VAC14: variants seen among roughly 807,000 people sequenced by gnomAD.
VAC14 encodes protein VAC14 homolog.
In VAC14, 47 loss-of-function variants were observed where a neutral mutation model predicts 85.3. That is an observed-to-expected ratio of 0.55 (90% CI 0.44 to 0.70). VAC14 has a LOEUF of 0.70. VAC14 is among the 30% of genes least tolerant of loss of function. The probability of loss-of-function intolerance (pLI) is 0.00; values close to 1 mark genes in which losing one functional copy is unlikely to be tolerated. For missense variants in VAC14, 861 were observed against 1,004.3 expected (o/e 0.86, Z 1.93); for synonymous variants, 447 against 430.5 (o/e 1.04, Z -0.47).
chr16:70,691,209 T>C (rs568737580), intron 18 of VAC14: 146 of 985,398 alleles, frequency 1.5e-4, no homozygotes, highest in Admixed American at 3.1e-4. Flanking sequence ...TCTGCTCCCC[T>C]CCCAAGACGA....
Position 70,786,357 on chromosome 16 carries a change from C to G in VAC14, c.113G>C (p.Arg38Pro), listed in dbSNP as rs756391496. The change falls in exon 2 of 19, where the codon CGG becomes CCG. Residue 38 changes from arginine to proline, a missense_variant. Arg to Pro is a moderately radical substitution (Grantham distance 103, BLOSUM62 -2). Transcript: ENST00000261776. ...VAALEIEKLVREFVAQNNTVQ... is the reference protein window; with the variant it reads ...VAALEIEKLVPEFVAQNNTVQ... Reference sequence around the variant, plus strand: ...GGTATTGTTCTGGGCCACGAACTCCCGGACCAGCCTGGAGAGAGAGGAGAG... The same window carrying G: ...GGTATTGTTCTGGGCCACGAACTCCGGGACCAGCCTGGAGAGAGAGGAGAG... The G allele has an allele frequency of 6.2e-7, 1 of 1,613,974 alleles. No individual in the cohort carries two copies.
At chr16:70,726,457 AACAGCCCCGCTTTATCAGAC>A (rs1328037901) in intron 14 of VAC14, among the ~76,000 whole-genome samples, 1 of 152,262 alleles carries the variant, frequency 6.6e-6, no homozygotes, top group Non-Finnish European at 1.5e-5. Context: ...GAGGCTGAAC[AACAGCCCCGCTTTATCAGAC>A]ACAGCCAGCA....
At chr16:70,707,356 G>A (rs1052892868) in intron 14 of VAC14, among the ~76,000 whole-genome samples, 1 of 152,252 alleles carries the variant, frequency 6.6e-6, no homozygotes, top group Non-Finnish European at 1.5e-5. Context: ...GGGGTGGGAG[G>A]AGGAGGAGGA....
intron 14 of VAC14, chr16:70,714,913 C>CA (rs1313275160): frequency 6.6e-6 from 1 of 152,342 alleles, no homozygotes; most frequent in Non-Finnish European, 1.5e-5. Context: ...CACCTGCCCC[C>CA]ACTGGCGAGC....
At chr16:70,697,041 G>T in intron 16 of VAC14, 98 bp downstream of exon 16, 1 of 945,488 alleles carries the variant, frequency 1.1e-6, no homozygotes, top group Non-Finnish European at 1.7e-6. Context: ...GGGGACAGGA[G>T]CATGGCACTT....
intron 14 of VAC14, among the ~76,000 whole-genome samples, chr16:70,712,650 T>C (rs2054059672): frequency 6.6e-6 from 1 of 152,190 alleles, no homozygotes; most frequent in Non-Finnish European, 1.5e-5. Flanking sequence ...CTCATGCTGA[T>C]AAATGCACAG....
chr16:70,783,150 G>T lies in VAC14; in HGVS notation c.705-11C>A, dbSNP rs753445453. On this transcript the variant is annotated splice_polypyrimidine_tract_variant and intron_variant, in intron 6 of 18. Transcript: ENST00000261776. ...AGAACAACCTCACACCTATGAACAA[G>T]AACAGGAAAGTGGAAACAGCGAGGG... is the stretch of plus-strand genomic sequence containing the variant. The T allele has an allele frequency of 3.5e-5, 57 of 1,612,180 alleles. No individual in the cohort carries two copies. The highest frequency in any genetic ancestry group is 4.8e-5 in the Non-Finnish European group (56 of 1,178,904).
chr16:70,725,836 G>A (rs561926351), intron 14 of VAC14, among the ~76,000 whole-genome samples: 44 of 152,172 alleles, frequency 2.9e-4, no homozygotes, highest in Admixed American at 5.2e-4. Context: ...GAGGTGGCTC[G>A]GACCTCATCT....
intron 1 of VAC14, among the ~76,000 whole-genome samples, chr16:70,791,127 G>A (rs1162132857): frequency 6.6e-6 from 1 of 152,148 alleles, no homozygotes; most frequent in African/African-American, 2.4e-5. Context: ...CTCCAGCCAG[G>A]CCTGCCTTCT....
chr16:70,722,807 C>A (rs1398521801), intron 14 of VAC14, among the ~76,000 whole-genome samples: 1 of 152,092 alleles, frequency 6.6e-6, no homozygotes, highest in African/African-American at 2.4e-5. Context: ...TGACTGACTG[C>A]GGTAGCTCAT....
At chr16:70,713,350 T>G (rs2054078070) in intron 14 of VAC14, among the ~76,000 whole-genome samples, 1 of 152,162 alleles carries the variant, frequency 6.6e-6, no homozygotes, top group Admixed American at 6.5e-5. Context: ...TAGAGCAGGG[T>G]CTGAGGATGG....
chr16:70,773,221 A>G (rs2033337278), intron 9 of VAC14: 4 of 152,194 alleles, frequency 2.6e-5, no homozygotes, highest in Admixed American at 2.0e-4. Context: ...TGGTACATGA[A>G]TTCTATCTCA....
intron 13 of VAC14, among the ~76,000 whole-genome samples, chr16:70,735,346 C>T (rs2054717030): frequency 6.6e-6 from 1 of 152,114 alleles, no homozygotes; most frequent in Non-Finnish European, 1.5e-5. Flanking sequence ...CAAACTTGGC[C>T]AGAAGCATCA....
At chr16:70,753,225 G>C (rs996592196) in intron 12 of VAC14, among the ~76,000 whole-genome samples, 5 of 152,224 alleles carry the variant, frequency 3.3e-5, no homozygotes, top group African/African-American at 1.2e-4. Flanking sequence ...AGAGCACAGG[G>C]TGTGGAACAG....
intron 14 of VAC14, among the ~76,000 whole-genome samples, chr16:70,712,132 G>T (rs970477873): frequency 1.3e-5 from 2 of 152,078 alleles, no homozygotes; most frequent in African/African-American, 4.8e-5. Flanking sequence ...CATTTTCAGA[G>T]AATTTTAAGA....
chr16:70,719,717 G>A (rs2054242530), intron 14 of VAC14, among the ~76,000 whole-genome samples: 1 of 152,188 alleles, frequency 6.6e-6, no homozygotes, highest in Non-Finnish European at 1.5e-5. Context: ...AAAGACTGAT[G>A]ATACCAAGTG....
chr16:70,745,482 AGTGTGTGTGTGTGTGTGTGTGT>A (rs145054065), intron 12 of VAC14, among the ~76,000 whole-genome samples: 1 of 143,778 alleles, frequency 7.0e-6, no homozygotes, highest in Admixed American at 6.8e-5. Context: ...GAGGGGCTTC[AGTGTGTGTGTGTGTGTGTGTGT>A]GTGTGTGTGT....
At chr16:70,758,145 T>TC (rs2032020319) in intron 12 of VAC14, among the ~76,000 whole-genome samples, 1 of 152,192 alleles carries the variant, frequency 6.6e-6, no homozygotes, top group Non-Finnish European at 1.5e-5. Context: ...TCAAGATGGC[T>TC]CACAGGACTG....
At chr16:70,760,788 A>G (rs548932305) in intron 12 of VAC14, among the ~76,000 whole-genome samples, 1 of 152,054 alleles carries the variant, frequency 6.6e-6, no homozygotes, top group African/African-American at 2.4e-5. Context: ...AGGACTGAAA[A>G]CTCAGCTGCT....
Sources: gnomAD v4.1 joint callset for allele counts (sites outside exome capture counted in the v4.1 genomes callset) on GRCh38, gnomAD v4.1.1 for gene constraint, MANE v1.5 for transcripts, NCBI Gene and HGNC (gene_info 2026-07-23, HGNC 2026-07-21) for gene names.